The following CASD1 variants were observed in gnomAD, a reference collection of about 807,000 sequenced individuals.
CASD1 encodes N-acetylneuraminate (7)9-O-acetyltransferase.
CASD1 carries 41 observed loss-of-function variants against 100.0 expected under a neutral mutation model. The ratio of observed to expected loss-of-function variants is 0.41; its 90% CI spans 0.32 to 0.53. The LOEUF (loss-of-function observed/expected upper bound fraction) is 0.53. Among genes scored for constraint, CASD1 ranks in the 20% least tolerant of loss-of-function variants. The probability of loss-of-function intolerance (pLI) is 0.25; values close to 1 mark genes in which losing one functional copy is unlikely to be tolerated. For missense variants in CASD1, 774 were observed against 948.7 expected, an observed-to-expected ratio of 0.82 and a Z score of 2.42; for synonymous variants, 321 against 315.6, an observed-to-expected ratio of 1.02 and a Z score of -0.18.
the CASD1 span, chr7:94,623,271 C>CTTCTT: frequency 9.0e-7 from 1 of 1,107,152 alleles, no homozygotes; most frequent in East Asian, 2.5e-5. Context: ...AGTTATAAAA[C>CTTCTT]ATAATGAAAT....
rs771035800 is a variant in CASD1, at chr7:94,555,608, G to A, written c.2244G>A (p.Val748=). 1 of 1,613,400 alleles carries A rather than the reference G, an allele frequency of 6.2e-7. No homozygotes were observed. Among genetic ancestry groups the A allele is most frequent in the Non-Finnish European group, 8.5e-7 (1 of 1,179,658 alleles). Reference sequence around the variant, plus strand: ...TCAGCACTTTCATATTTGTTTGTGTGGCACATGAAATTTCTCAGATCACTA... The same window carrying A: ...TCAGCACTTTCATATTTGTTTGTGTAGCACATGAAATTTCTCAGATCACTA... ...IIVSTFIFVC[V]AHEISQITND... is the part of the protein sequence containing the mutation. Residue 748 remains valine (V), a synonymous_variant, in exon 18 of 18, where the codon GTG becomes GTA. Transcript: ENST00000297273.
intron 1 of CASD1, among the ~76,000 whole-genome samples, chr7:94,516,251 A>G (rs1369670144): frequency 6.6e-6 from 1 of 152,170 alleles, no homozygotes; most frequent in African/African-American, 2.4e-5. Context: ...AAGATAATGC[A>G]ACATTTTAAC....
At chr7:94,608,714 A>T in the CASD1 span, among the ~76,000 whole-genome samples, 1 of 152,346 alleles carries the variant, frequency 6.6e-6, no homozygotes, top group East Asian at 1.9e-4. Context: ...AGTATTGGGA[A>T]ATAATTGACA....
At chr7:94,559,778 G>C (rs191917837), downstream of CASD1, among the ~76,000 whole-genome samples, 1 of 151,914 alleles carries the variant, frequency 6.6e-6, no homozygotes, top group Non-Finnish European at 1.5e-5. Flanking sequence ...CACCTTCCTC[G>C]GTCTCCCAAA....
At chr7:94,579,029 A>T in the CASD1 span, among the ~76,000 whole-genome samples, 1 of 151,960 alleles carries the variant, frequency 6.6e-6, no homozygotes, top group African/African-American at 2.4e-5. Context: ...TAATTCTGTC[A>T]GCAAATATTT....
chr7:94,528,201 A>G lies in CASD1; in HGVS notation c.410A>G (p.His137Arg). The G allele has an allele frequency of 6.2e-7, 1 of 1,608,580 alleles. No individual in the cohort carries two copies. The part of the protein sequence containing the change: ...TASVKVDFLW[H>R]PEVNGSMKQC... ...TTTCTCTTTTAGGATTTTCTGTGGCATCCTGAAGTTAATGGTTCTATGAAA... is the reference window on the plus strand; with the variant it reads ...TTTCTCTTTTAGGATTTTCTGTGGCGTCCTGAAGTTAATGGTTCTATGAAA... Residue 137 changes from histidine to arginine, a missense_variant, in exon 5 of 18, where the codon CAT becomes CGT. Physicochemically the swap from His to Arg is conservative, Grantham distance 29. Around this residue, in one of 5 missense-constraint regions of CASD1, gnomAD observed 61 missense variants for 115.9 expected, o/e 0.53. Transcript: ENST00000297273.
chr7:94,509,846 C>T lies in CASD1; in HGVS notation c.-239C>T, dbSNP rs1261506740. ...CAGGGCGCCTGGGGAACCGGCACGG[C>T]GGAGCAGCGGCGGCGGGGCTGGGGG... is the stretch of plus-strand genomic sequence containing the variant. On this transcript the variant is annotated 5_prime_UTR_variant, in exon 1 of 18. Coordinates refer to ENST00000297273, the MANE Select transcript of CASD1 (RefSeq NM_022900.5). The T allele has an allele frequency of 3.0e-6, 3 of 995,782 alleles. No individual in the cohort carries two copies. The highest frequency in any genetic ancestry group is 3.6e-6 in the Non-Finnish European group (3 of 838,280). 61.7% of individuals were successfully genotyped at this position (995,782 alleles called of 1,614,324 possible). A position where few individuals can be genotyped will look rare whatever the true frequency, so the allele number is the denominator to read the frequency against.
At position 94,533,279 on chromosome 7, in the gene CASD1, G is replaced by A. The variant is rs373337938; in HGVS notation, c.504+30G>A. ...GTTATCATCTGTATTCTTACTTAAT[G>A]ATTTTGTTTCACGTTTAAGAACATG... On this transcript the variant is annotated intron_variant, in intron 6 of 17. Transcript: ENST00000297273. The A allele has an allele frequency of 1.9e-6, 3 of 1,575,852 alleles. No homozygotes were observed. The African/African-American group carries it at 4.0e-5, about 21-fold the overall frequency.
At chr7:94,512,295 G>A (rs1012089878) in intron 1 of CASD1, among the ~76,000 whole-genome samples, 1 of 152,140 alleles carries the variant, frequency 6.6e-6, no homozygotes, top group Admixed American at 6.5e-5. Flanking sequence ...ATTTAAAGAA[G>A]GTTTACGAAT....
intron 10 of CASD1, among the ~76,000 whole-genome samples, chr7:94,543,815 A>G (rs1795540726): frequency 6.6e-6 from 1 of 152,192 alleles, no homozygotes; most frequent in African/African-American, 2.4e-5. Flanking sequence ...TCATATGTGG[A>G]TTCAAATGTG....
At chr7:94,588,978 A>G in the CASD1 span, 1 of 516,246 alleles carries the variant, frequency 1.9e-6, no homozygotes, top group South Asian at 2.1e-5. Flanking sequence ...GTACCTCACA[A>G]CAACCCTAAG....
At chr7:94,620,080 C>T in the CASD1 span, 1 of 152,212 alleles carries the variant, frequency 6.6e-6, no homozygotes, top group African/African-American at 2.4e-5. Context: ...TATGTATATC[C>T]TCTCATTTAT....
chr7:94,582,768 A>G, the CASD1 span, among the ~76,000 whole-genome samples: 1 of 152,172 alleles, frequency 6.6e-6, no homozygotes, highest in Non-Finnish European at 1.5e-5. Context: ...ATTTATCACT[A>G]TTACAGGTTG....
At chr7:94,520,253 T>A (rs1203694220) in intron 3 of CASD1, among the ~76,000 whole-genome samples, 1 of 152,222 alleles carries the variant, frequency 6.6e-6, no homozygotes, top group African/African-American at 2.4e-5. Context: ...TTTTTAAATA[T>A]ATTTCTTGTC....
chr7:94,629,654 T>C, the CASD1 span: 2 of 1,408,714 alleles, frequency 1.4e-6, no homozygotes, highest in South Asian at 1.2e-5. Flanking sequence ...TATATGTCTA[T>C]ATTATGCAAA....
At chr7:94,535,189 T>C (rs2116323991) in intron 7 of CASD1, 120 bp from the exon 8 acceptor site, 1 of 701,622 alleles carries the variant, frequency 1.4e-6, no homozygotes, top group East Asian at 2.7e-5. Context: ...ATTAGGTACC[T>C]GGTACCATCT....
chr7:94,510,327 C>A lies in CASD1; in HGVS notation c.133+110C>A, dbSNP rs1260009796. On this transcript the variant is annotated intron_variant, in intron 1 of 17. Transcript: ENST00000297273. ...ACGCCCACGCGGCCTTCCGCCGGCCCGGCCCGCGGGGGAGGCGGTTCCCCC... is the reference window on the plus strand; with the variant it reads ...ACGCCCACGCGGCCTTCCGCCGGCCAGGCCCGCGGGGGAGGCGGTTCCCCC... The A allele has an allele frequency of 1.5e-5, 13 of 854,128 alleles. No individual in the cohort carries two copies. In the East Asian group the frequency reaches 2.4e-4, roughly 16 times the overall value. The allele number at this position is 854,128 out of a possible 1,614,324, so 52.9% of individuals were successfully genotyped here. A position where few individuals can be genotyped will look rare whatever the true frequency, so the allele number is the denominator to read the frequency against.
At chr7:94,580,545 C>CA in the CASD1 span, among the ~76,000 whole-genome samples, 2 of 152,158 alleles carry the variant, frequency 1.3e-5, no homozygotes, top group African/African-American at 4.8e-5. Context: ...TTCTTCCTTA[C>CA]AAAAAATTAT....
the CASD1 span, among the ~76,000 whole-genome samples, chr7:94,591,843 GAGA>G: frequency 1.3e-5 from 2 of 152,172 alleles, no homozygotes; most frequent in Non-Finnish European, 1.5e-5. Context: ...AAGAAATTCG[GAGA>G]AGATGCATAA....
Sources: gnomAD v4.1 joint callset for allele counts (sites outside exome capture counted in the v4.1 genomes callset) on GRCh38, gnomAD v4.1.1 for gene constraint, gnomAD v4.1.1 regional missense constraint, MANE v1.5 for transcripts, NCBI Gene and HGNC (gene_info 2026-07-23, HGNC 2026-07-21) for gene names.